The following SPART variants were observed in gnomAD, a reference collection of about 807,000 sequenced individuals.
The protein encoded by SPART is spartin.
In SPART, 35 loss-of-function variants were observed where a neutral mutation model predicts 58.7. The ratio of observed to expected loss-of-function variants is 0.60; its 90% CI spans 0.46 to 0.79. SPART has a LOEUF of 0.79. SPART is among the 30% of genes least tolerant of loss of function. The pLI is 0.00. For missense variants in SPART, 730 were observed against 786.1 expected (o/e 0.93, Z 0.85); for synonymous variants, 284 against 280.7 (o/e 1.01, Z -0.12).
At position 36,335,411 on chromosome 13, in the gene SPART, T is replaced by G. The variant is rs749013154; in HGVS notation, c.420A>C (p.Glu140Asp). The change falls in exon 2 of 9, where the codon GAA becomes GAC. Residue 140 changes from glutamate to aspartate, a missense_variant. Coordinates refer to ENST00000438666, the MANE Select transcript of SPART (RefSeq NM_015087.5). ...QSFSSAPQHA[E>D]VNGNTSTPSA... is the part of the protein sequence containing the mutation. ...TTGGAGTTGAGGTGTTTCCATTTAC[T>G]TCAGCATGCTGAGGAGCTGAACTAA... 72 of 1,614,004 alleles carry G rather than the reference T, an allele frequency of 4.5e-5. No homozygotes were observed. Among genetic ancestry groups the G allele is most frequent in the Non-Finnish European group, 5.7e-5 (67 of 1,180,018 alleles).
chr13:36,345,150 C>CA (rs1179977867), intron 1 of SPART, among the ~76,000 whole-genome samples: 1 of 152,160 alleles, frequency 6.6e-6, no homozygotes, highest in South Asian at 2.1e-4. Flanking sequence ...GGCCCTTTAC[C>CA]AAAAAAGCGG....
At chr13:36,369,137 T>C (rs1384261165) in intron 1 of SPART, among the ~76,000 whole-genome samples, 1 of 152,222 alleles carries the variant, frequency 6.6e-6, no homozygotes, top group Non-Finnish European at 1.5e-5. Flanking sequence ...TGTCATCATC[T>C]TATGTATTTC....
chr13:36,338,468 T>C (rs1184402972), intron 1 of SPART, among the ~76,000 whole-genome samples: 2 of 152,150 alleles, frequency 1.3e-5, no homozygotes, highest in African/African-American at 4.8e-5. Context: ...TTGATGGAAT[T>C]CAATCTTCCT....
chr13:36,327,999 G>T (rs117714763), intron 4 of SPART, among the ~76,000 whole-genome samples: 2 of 152,216 alleles, frequency 1.3e-5, no homozygotes, highest in East Asian at 3.9e-4. Flanking sequence ...ATCTGCAGGG[G>T]TGAGGAGACA....
chr13:36,338,879 C>T (rs942738572), intron 1 of SPART, among the ~76,000 whole-genome samples: 9 of 152,014 alleles, frequency 5.9e-5, no homozygotes, highest in Non-Finnish European at 8.8e-5. Context: ...CTAAGGAAAA[C>T]TGTCCAAGCA....
intron 8 of SPART, among the ~76,000 whole-genome samples, chr13:36,306,474 C>T (rs1347169051): frequency 5.3e-5 from 8 of 152,038 alleles, no homozygotes; most frequent in Non-Finnish European, 8.8e-5. Context: ...GACACCATAA[C>T]TCAACATAAC....
intron 1 of SPART, 94 bp from the exon 2 acceptor site, chr13:36,335,926 G>T: frequency 2.0e-6 from 2 of 999,564 alleles, no homozygotes; most frequent in Non-Finnish European, 3.1e-6. Context: ...GAGGACAAGT[G>T]CCTCGCTTAT....
chr13:36,306,965 T>C (rs1880570170), intron 8 of SPART, among the ~76,000 whole-genome samples: 1 of 152,180 alleles, frequency 6.6e-6, no homozygotes, highest in South Asian at 2.1e-4. Flanking sequence ...TCATCAGTTG[T>C]ATTTATTTTT....
upstream of SPART, among the ~76,000 whole-genome samples, chr13:36,348,452 A>G (rs1350048781): frequency 6.6e-6 from 1 of 152,242 alleles, no homozygotes; most frequent in Non-Finnish European, 1.5e-5. Flanking sequence ...ATTGTTATAT[A>G]TAGAAAACCC....
intron 4 of SPART, among the ~76,000 whole-genome samples, chr13:36,328,188 A>AG (rs1387554221): frequency 1.2e-4 from 19 of 152,216 alleles, no homozygotes; most frequent in African/African-American, 4.1e-4. Context: ...ATCCTCATAT[A>AG]GCTGGTCTAA....
intron 8 of SPART, among the ~76,000 whole-genome samples, chr13:36,310,090 A>G (rs967863517): frequency 6.6e-6 from 1 of 152,162 alleles, no homozygotes; most frequent in African/African-American, 2.4e-5. Flanking sequence ...ATCTTTAACA[A>G]GGTATTTAAC....
At chr13:36,314,696 A>G (rs1332581448) in intron 5 of SPART, among the ~76,000 whole-genome samples, 1 of 152,246 alleles carries the variant, frequency 6.6e-6, no homozygotes, top group East Asian at 1.9e-4. Flanking sequence ...GACCACAAAC[A>G]GTATCTCTAT....
At chr13:36,368,172 T>C in intron 1 of SPART, 1 of 458,676 alleles carries the variant, frequency 2.2e-6, no homozygotes, top group Admixed American at 2.5e-5. Context: ...AATTCTTTCA[T>C]TTACTCATTC....
chr13:36,335,554 C>G lies in SPART; in HGVS notation c.277G>C (p.Glu93Gln). The G allele has an allele frequency of 6.2e-7, 1 of 1,614,192 alleles. No individual in the cohort carries two copies. The highest frequency in any genetic ancestry group is 8.5e-7 in the Non-Finnish European group (1 of 1,180,022). The change falls in exon 2 of 9, where the codon GAA (glutamate) becomes CAA (glutamine). Residue 93 changes from glutamate to glutamine, a missense_variant. Glu to Gln is a conservative substitution (Grantham distance 29). Coordinates refer to ENST00000438666, the MANE Select transcript of SPART (RefSeq NM_015087.5). ...GTGGCAAGACCCTTCTCTAGAATTT[C>G]CAGCCTGGTGCGTACATTCTGTAGA... is the stretch of plus-strand genomic sequence containing the variant. ...ETLQNVRTRL[E>Q]ILEKGLATSL...
chr13:36,308,497 CT>C (rs2137282888), intron 8 of SPART: 1 of 152,184 alleles, frequency 6.6e-6, no homozygotes, highest in East Asian at 1.9e-4. Context: ...AATAAATGAG[CT>C]GAGAATCACT....
At chr13:36,319,480 C>T (rs1254170442) in intron 5 of SPART, among the ~76,000 whole-genome samples, 2 of 151,944 alleles carry the variant, frequency 1.3e-5, no homozygotes, top group South Asian at 2.1e-4. Context: ...TGTTATCACT[C>T]GCCTGCTACA....
chr13:36,324,895 C>G (rs1263332518), intron 5 of SPART, among the ~76,000 whole-genome samples: 1 of 151,998 alleles, frequency 6.6e-6, no homozygotes, highest in African/African-American at 2.4e-5. Flanking sequence ...GCAAGGTGCT[C>G]AGTGGGGGAG....
intron 8 of SPART, among the ~76,000 whole-genome samples, chr13:36,306,345 T>C (rs1488475447): frequency 6.6e-6 from 1 of 151,968 alleles, no homozygotes; most frequent in South Asian, 2.1e-4. Flanking sequence ...AATGGCTGTG[T>C]CTATACAAAA....
chr13:36,308,662 G>A (rs1162666238), intron 8 of SPART, among the ~76,000 whole-genome samples: 11 of 146,444 alleles, frequency 7.5e-5, no homozygotes, highest in Non-Finnish European at 1.2e-4. Context: ...TTTCATTAGA[G>A]TAGGCCATAA....
Sources: gnomAD v4.1 joint callset for allele counts (sites outside exome capture counted in the v4.1 genomes callset) on GRCh38, gnomAD v4.1.1 for gene constraint, MANE v1.5 for transcripts, NCBI Gene and HGNC (gene_info 2026-07-23, HGNC 2026-07-21) for gene names.